GALNT17: variants seen among roughly 807,000 people sequenced by gnomAD.
GALNT17 encodes the protein polypeptide N-acetylgalactosaminyltransferase 17.
In GALNT17, 29 loss-of-function variants were observed where a neutral mutation model predicts 63.7. The ratio of observed to expected loss-of-function variants is 0.46; its 90% CI spans 0.34 to 0.62. GALNT17 has a LOEUF of 0.62. Among genes scored for constraint, GALNT17 ranks in the 20% least tolerant of loss-of-function variants. The probability of loss-of-function intolerance (pLI) is 0.01; values close to 1 mark genes in which losing one functional copy is unlikely to be tolerated. For synonymous variants in GALNT17, 305 were observed against 318.3 expected (o/e 0.96, Z 0.45); for missense variants, 603 against 799.6 (o/e 0.75, Z 2.97).
intron 8 of GALNT17, among the ~76,000 whole-genome samples, chr7:71,674,582 C>CTCAGCTCACTGTAGCCTTT (rs1791120719): frequency 6.6e-6 from 1 of 152,138 alleles, no homozygotes. Flanking sequence ...GTGGCGCAAT[C>CTCAGCTCACTGTAGCCTTT]TCAGCTCACT....
intron 9 of GALNT17, among the ~76,000 whole-genome samples, chr7:71,692,265 T>C (rs144419539): frequency 7.9e-4 from 120 of 152,278 alleles, no homozygotes; most frequent in African/African-American, 2.6e-3. Context: ...TCAGAGAGTT[T>C]GAAAAACACA....
At chr7:71,204,143 A>G (rs1789224768) in intron 1 of GALNT17, among the ~76,000 whole-genome samples, 1 of 152,130 alleles carries the variant, frequency 6.6e-6, no homozygotes, top group Non-Finnish European at 1.5e-5. Context: ...TCTCAACACC[A>G]TTTATTAGAG....
intron 6 of GALNT17, among the ~76,000 whole-genome samples, chr7:71,598,631 A>G (rs1397144314): frequency 3.9e-5 from 6 of 152,218 alleles, no homozygotes; most frequent in Non-Finnish European, 7.3e-5. Flanking sequence ...CAAACTATCT[A>G]GAAATATTCT....
intron 9 of GALNT17, among the ~76,000 whole-genome samples, chr7:71,689,610 C>A (rs1791411588): frequency 6.6e-6 from 1 of 152,212 alleles, no homozygotes; most frequent in Non-Finnish European, 1.5e-5. Context: ...AGGAAAGAAG[C>A]TGTCTCTGCA....
At chr7:71,659,699 T>C (rs1412397657) in intron 6 of GALNT17, among the ~76,000 whole-genome samples, 1 of 152,228 alleles carries the variant, frequency 6.6e-6, no homozygotes. Context: ...AGGTTCAGCC[T>C]TTTTATAGGA....
At chr7:71,553,145 C>A (rs967688488) in intron 5 of GALNT17, among the ~76,000 whole-genome samples, 30 of 151,876 alleles carry the variant, frequency 2.0e-4, no homozygotes, top group Non-Finnish European at 4.3e-4. Context: ...GGCAACATAG[C>A]AAGACTTTCT....
At chr7:71,373,460 G>A (rs528094773) in intron 2 of GALNT17, among the ~76,000 whole-genome samples, 2 of 152,104 alleles carry the variant, frequency 1.3e-5, no homozygotes, top group Non-Finnish European at 2.9e-5. Context: ...TATACCGGGG[G>A]TCCCCAGACC....
intron 1 of GALNT17, among the ~76,000 whole-genome samples, chr7:71,217,926 T>TGA (rs1789515559): frequency 9.3e-6 from 1 of 107,602 alleles, no homozygotes; most frequent in Non-Finnish European, 2.3e-5. Flanking sequence ...AGACTCCGTC[T>TGA]CAAAAAAAAA....
intron 6 of GALNT17, among the ~76,000 whole-genome samples, chr7:71,584,947 G>T (rs1022168383): frequency 6.6e-6 from 1 of 151,856 alleles, no homozygotes; most frequent in Non-Finnish European, 1.5e-5. Context: ...GTAGAGACGG[G>T]GTCTTCTCAC....
At chr7:71,279,199 C>T (rs1429392908) in intron 1 of GALNT17, among the ~76,000 whole-genome samples, 1 of 151,926 alleles carries the variant, frequency 6.6e-6, no homozygotes, top group Non-Finnish European at 1.5e-5. Context: ...CTGTGTATCT[C>T]TGTATATTCC....
chr7:71,293,819 A>G (rs760632723), intron 1 of GALNT17, among the ~76,000 whole-genome samples: 1 of 152,010 alleles, frequency 6.6e-6, no homozygotes, highest in Non-Finnish European at 1.5e-5. Context: ...GTTTCATGGT[A>G]TTTTCTTTGA....
chr7:71,581,806 G>T (rs1789639259), intron 6 of GALNT17, among the ~76,000 whole-genome samples: 1 of 152,128 alleles, frequency 6.6e-6, no homozygotes, highest in Admixed American at 6.5e-5. Flanking sequence ...TTGAGGAGTA[G>T]CAGTTCTCTC....
At chr7:71,561,463 G>A (rs187219053) in intron 5 of GALNT17, among the ~76,000 whole-genome samples, 14 of 152,134 alleles carry the variant, frequency 9.2e-5, no homozygotes, top group African/African-American at 2.7e-4. Flanking sequence ...TGTTTTGCAC[G>A]TGGGACCTTG....
chr7:71,221,265 C>CT (rs1201280862), intron 1 of GALNT17, among the ~76,000 whole-genome samples: 1 of 151,988 alleles, frequency 6.6e-6, no homozygotes, highest in Admixed American at 6.6e-5. Context: ...ACAGGATCTC[C>CT]TTTTTCATGG....
At chr7:71,350,046 G>C (rs1398273582) in intron 2 of GALNT17, among the ~76,000 whole-genome samples, 1 of 152,200 alleles carries the variant, frequency 6.6e-6, no homozygotes, top group Non-Finnish European at 1.5e-5. Flanking sequence ...TTGAGCTGTT[G>C]TTTCTGCCTC....
intron 5 of GALNT17, among the ~76,000 whole-genome samples, chr7:71,524,930 A>G (rs1173707719): frequency 2.0e-5 from 3 of 152,160 alleles, no homozygotes; most frequent in African/African-American, 2.4e-5. Flanking sequence ...GCTAATAACC[A>G]CTGTCCTCAC....
chr7:71,310,386 A>T (rs994315691), intron 1 of GALNT17, among the ~76,000 whole-genome samples: 1 of 152,196 alleles, frequency 6.6e-6, no homozygotes, highest in African/African-American at 2.4e-5. Flanking sequence ...GTAACTTCAC[A>T]TTCCGTGTGC....
chr7:71,266,034 C>T (rs569502571), intron 1 of GALNT17, among the ~76,000 whole-genome samples: 1 of 152,270 alleles, frequency 6.6e-6, no homozygotes, highest in South Asian at 2.1e-4. Flanking sequence ...CCAGAGGCTG[C>T]CAGCATTCCT....
At chr7:71,673,611 G>T (rs1791103726) in intron 8 of GALNT17, among the ~76,000 whole-genome samples, 1 of 152,096 alleles carries the variant, frequency 6.6e-6, no homozygotes, top group African/African-American at 2.4e-5. Context: ...AAGAAAAATA[G>T]TTACTAAAAA....
Sources: allele counts gnomAD v4.1 joint callset (sites outside exome capture counted in the v4.1 genomes callset), GRCh38; gene constraint gnomAD v4.1.1; transcripts MANE v1.5; gene names NCBI Gene and HGNC (gene_info 2026-07-23, HGNC 2026-07-21).